SAMD12: variants seen among roughly 807,000 people sequenced by gnomAD.
The protein encoded by SAMD12 is sterile alpha motif domain containing 12, also known as sterile alpha motif domain-containing protein 12.
SAMD12 carries 9 observed loss-of-function variants against 15.0 expected under a neutral mutation model. The observed-to-expected ratio is 0.60, with a 90% CI of 0.36 to 1.05. The LOEUF (loss-of-function observed/expected upper bound fraction) is 1.05, where lower values mean the gene tolerates loss of function less well. Ranked by LOEUF, SAMD12 falls within the 50% of genes least tolerant of loss-of-function variation. The pLI is 0.01. For missense variants in SAMD12, 230 were observed against 234.2 expected, an observed-to-expected ratio of 0.98 and a Z score of 0.12; for synonymous variants, 86 against 90.1, an observed-to-expected ratio of 0.96 and a Z score of 0.25.
chr8:118,377,263 T>C (rs947868039), downstream of SAMD12, among the ~76,000 whole-genome samples: 1 of 151,916 alleles, frequency 6.6e-6, no homozygotes, highest in South Asian at 2.1e-4. Context: ...CCTGGTGTGG[T>C]GGTGCATGCC....
chr8:118,252,744 AT>A (rs1174999877), intron 4 of SAMD12, among the ~76,000 whole-genome samples: 2 of 151,878 alleles, frequency 1.3e-5, no homozygotes, highest in African/African-American at 4.8e-5. Context: ...TTTACTGCCT[AT>A]TATGGGCAGT....
the SAMD12 span, among the ~76,000 whole-genome samples, chr8:118,167,480 C>G: frequency 0.022 from 3,340 of 152,196 alleles, 118 homozygotes; most frequent in African/African-American, 0.074. Context: ...GAAAACAATA[C>G]CCCTCTGTAT....
the SAMD12 span, among the ~76,000 whole-genome samples, chr8:118,133,508 T>A: frequency 6.6e-6 from 1 of 152,200 alleles, no homozygotes; most frequent in Non-Finnish European, 1.5e-5. Flanking sequence ...CATCCCCATT[T>A]GATCTTCTTA....
At chr8:118,319,429 T>C (rs1349669103) in intron 4 of SAMD12, among the ~76,000 whole-genome samples, 2 of 152,008 alleles carry the variant, frequency 1.3e-5, no homozygotes, top group Non-Finnish European at 2.9e-5. Context: ...CAGAAAAAGG[T>C]GACTTGTTTT....
chr8:118,615,472 C>T (rs963614526), intron 1 of SAMD12, among the ~76,000 whole-genome samples: 1 of 152,190 alleles, frequency 6.6e-6, no homozygotes, highest in South Asian at 2.1e-4. Context: ...CACCACATCT[C>T]GTAGAGTTCC....
chr8:118,146,877 A>G, the SAMD12 span, among the ~76,000 whole-genome samples: 2 of 152,252 alleles, frequency 1.3e-5, no homozygotes, highest in African/African-American at 2.4e-5. Flanking sequence ...TCCTATTCTG[A>G]GAAAATAATC....
chr8:118,396,424 A>G (rs1483784072), intron 3 of SAMD12, among the ~76,000 whole-genome samples: 1 of 152,198 alleles, frequency 6.6e-6, no homozygotes, highest in Non-Finnish European at 1.5e-5. Context: ...TAATATAATC[A>G]TGAATATGTT....
intron 2 of SAMD12, among the ~76,000 whole-genome samples, chr8:118,558,699 C>T (rs1826617456): frequency 6.6e-6 from 1 of 152,188 alleles, no homozygotes; most frequent in Admixed American, 6.5e-5. Flanking sequence ...GCTGGGACTA[C>T]AGGCGCGTGC....
chr8:118,577,097 A>G (rs1399024316), intron 2 of SAMD12, among the ~76,000 whole-genome samples: 1 of 152,108 alleles, frequency 6.6e-6, no homozygotes, highest in Non-Finnish European at 1.5e-5. Flanking sequence ...TTTTTTGTGG[A>G]TCCACATTTC....
At chr8:118,304,548 A>G (rs1011553056) in intron 4 of SAMD12, among the ~76,000 whole-genome samples, 2 of 152,032 alleles carry the variant, frequency 1.3e-5, no homozygotes, top group Non-Finnish European at 2.9e-5. Context: ...TCATGAGGTC[A>G]GGAGATCGAG....
At chr8:118,525,858 C>A (rs1407999852) in intron 2 of SAMD12, among the ~76,000 whole-genome samples, 2 of 152,192 alleles carry the variant, frequency 1.3e-5, no homozygotes, top group African/African-American at 4.8e-5. Context: ...CAACACTGTA[C>A]ATGCATCTGC....
At chr8:118,180,391 T>C in the SAMD12 span, among the ~76,000 whole-genome samples, 1 of 152,126 alleles carries the variant, frequency 6.6e-6, no homozygotes, top group Admixed American at 6.6e-5. Context: ...CAAATATCCA[T>C]GTACACACCA....
At chr8:118,203,253 G>A (rs1359370317) in intron 4 of SAMD12, among the ~76,000 whole-genome samples, 1 of 152,212 alleles carries the variant, frequency 6.6e-6, no homozygotes, top group Non-Finnish European at 1.5e-5. Flanking sequence ...GTTTGACCTA[G>A]AGAAAGGCAG....
At chr8:118,618,838 C>CAAA (rs34748614) in intron 1 of SAMD12, among the ~76,000 whole-genome samples, 29 of 118,820 alleles carry the variant, frequency 2.4e-4, no homozygotes, top group South Asian at 2.8e-4. Flanking sequence ...GACTCCGTCT[C>CAAA]AAAAAAAAAA....
At chr8:118,424,869 T>G (rs1822172706) in intron 3 of SAMD12, among the ~76,000 whole-genome samples, 1 of 151,980 alleles carries the variant, frequency 6.6e-6, no homozygotes, top group African/African-American at 2.4e-5. Flanking sequence ...ATTTTTGATC[T>G]CCCAATAACA....
chr8:118,412,778 T>A (rs1434991080), intron 3 of SAMD12, among the ~76,000 whole-genome samples: 3 of 152,166 alleles, frequency 2.0e-5, no homozygotes, highest in African/African-American at 7.2e-5. Flanking sequence ...GTAGGAAATA[T>A]AATAAAATGG....
chr8:118,170,188 GA>G, the SAMD12 span, among the ~76,000 whole-genome samples: 1 of 152,082 alleles, frequency 6.6e-6, no homozygotes, highest in African/African-American at 2.4e-5. Context: ...CTCATTTGGG[GA>G]AACGATTGTA....
At chr8:118,538,469 G>T (rs1825907129) in intron 2 of SAMD12, among the ~76,000 whole-genome samples, 1 of 152,296 alleles carries the variant, frequency 6.6e-6, no homozygotes, top group South Asian at 2.1e-4. Flanking sequence ...ATTAGGGCTG[G>T]TTTAAATTCT....
intron 2 of SAMD12, among the ~76,000 whole-genome samples, chr8:118,461,265 A>C (rs1823413904): frequency 6.6e-6 from 1 of 152,268 alleles, no homozygotes; most frequent in African/African-American, 2.4e-5. Flanking sequence ...GGTCTGCCAC[A>C]TAGCAGTTGC....
Sources: allele counts gnomAD v4.1 joint callset (sites outside exome capture counted in the v4.1 genomes callset), GRCh38; gene constraint gnomAD v4.1.1; transcripts MANE v1.5; gene names NCBI Gene and HGNC (gene_info 2026-07-23, HGNC 2026-07-21).